The following ESYT2 variants were observed in gnomAD, a reference collection of about 807,000 sequenced individuals.
The protein encoded by ESYT2 is extended synaptotagmin 2.
A neutral mutation model predicts 107.2 loss-of-function variants in ESYT2; 54 were observed. The ratio of observed to expected loss-of-function variants is 0.50; its 90% CI spans 0.40 to 0.63. The LOEUF (loss-of-function observed/expected upper bound fraction) is 0.63, where lower values mean the gene tolerates loss of function less well. Among genes scored for constraint, ESYT2 ranks in the 30% least tolerant of loss-of-function variants. ESYT2 has a pLI of 0.00. For missense variants in ESYT2, 1,020 were observed against 1,094.5 expected, an observed-to-expected ratio of 0.93 and a Z score of 0.96; for synonymous variants, 491 against 434.1, an observed-to-expected ratio of 1.13 and a Z score of -1.63.
At chr7:158,748,427 C>A in intron 15 of ESYT2, 147 bp from the exon 16 acceptor site, 1 of 651,456 alleles carries the variant, frequency 1.5e-6, no homozygotes, top group East Asian at 2.8e-5. Context: ...AATTAAATTC[C>A]AAGACATGTA....
At position 158,732,906 on chromosome 7, in the gene ESYT2, A is replaced by T. The variant is rs1046318470; in HGVS notation, c.*1301T>A. On this transcript the variant is annotated 3_prime_UTR_variant, in exon 23 of 23. Transcript: ENST00000275418. ...ACATATGTGCATTCTTTCTTTACAG[A>T]CACACACAGCCTACGACACTGCAAC... 1 of 152,246 alleles carries T rather than the reference A, an allele frequency of 6.6e-6. No homozygotes were observed. Among genetic ancestry groups the T allele is most frequent in the African/African-American group, 2.4e-5 (1 of 41,462 alleles). The allele number at this position is 152,246 out of a possible 1,614,324, so 9.4% of individuals were successfully genotyped here. A position where few individuals can be genotyped will look rare whatever the true frequency, so the allele number is the denominator to read the frequency against.
At position 158,760,050 on chromosome 7, in the gene ESYT2, A is replaced by G. The variant is rs1457856761; in HGVS notation, c.1323+8T>C. On this transcript the variant is annotated splice_region_variant and intron_variant, in intron 12 of 22. Coordinates refer to ENST00000275418, the MANE Select transcript of ESYT2 (RefSeq NM_001367773.1). ...GGTAGTTTTCAAGAGCACATGCTTCAACAGCACCTTGTCGAGGTTTGACGC... is the reference window on the plus strand; with the variant it reads ...GGTAGTTTTCAAGAGCACATGCTTCGACAGCACCTTGTCGAGGTTTGACGC... The G allele has an allele frequency of 6.2e-7, 1 of 1,614,118 alleles. No homozygotes were observed. Among genetic ancestry groups the G allele is most frequent in the South Asian group, 1.1e-5 (1 of 91,082 alleles).
At chr7:158,797,338 G>C (rs760738496) in intron 3 of ESYT2, among the ~76,000 whole-genome samples, 2 of 151,960 alleles carry the variant, frequency 1.3e-5, no homozygotes, top group Middle Eastern at 6.8e-3. Context: ...TTGTAGAGAC[G>C]GAGTCCCACT....
chr7:158,751,569 C>T lies in ESYT2; in HGVS notation c.1482+1212G>A, dbSNP rs1009427035. Among the ~76,000 whole-genome samples the T allele has an allele frequency of 4.6e-5, 7 of 152,104 alleles. No individual in the cohort carries two copies. The East Asian group carries it at 1.3e-3, about 29-fold the overall frequency. ...TCAGTTTGCATGTTTACAAAATGGGCATTTTTGGAAACTAGGTGAGCTAAT... is the reference window on the plus strand; with the variant it reads ...TCAGTTTGCATGTTTACAAAATGGGTATTTTTGGAAACTAGGTGAGCTAAT... On this transcript the variant is annotated intron_variant, in intron 14 of 22. Transcript: ENST00000275418.
chr7:158,765,928 G>A (rs536718627), intron 8 of ESYT2, among the ~76,000 whole-genome samples: 1 of 152,116 alleles, frequency 6.6e-6, no homozygotes, highest in African/African-American at 2.4e-5. Flanking sequence ...GGCCAGGTGC[G>A]GTGACTCACG....
intron 6 of ESYT2, among the ~76,000 whole-genome samples, chr7:158,776,831 T>C (rs951426093): frequency 3.3e-5 from 5 of 152,046 alleles, no homozygotes; most frequent in Non-Finnish European, 7.4e-5. Flanking sequence ...GCTTCTTCAC[T>C]AAGCTTAATC....
In ESYT2 at chr7:158,737,151, A is replaced by G. The variant is rs761206385; in HGVS notation, c.2296T>C (p.Ser766Pro). The G allele has an allele frequency of 1.9e-6, 3 of 1,613,948 alleles. No individual in the cohort carries two copies. The highest frequency in any genetic ancestry group is 2.5e-6 in the Non-Finnish European group (3 of 1,179,846). Residue 766 changes from serine to proline, a missense_variant, in exon 20 of 23, where the codon TCT becomes CCT. Ser to Pro is a moderately conservative substitution (Grantham distance 74). Transcript: ENST00000275418. The part of the protein sequence containing the change: ...RNLIAFSEDG[S>P]DPYVRMYLLP... ...AAATACATGCGGACATAGGGGTCAG[A>G]GCCGTCTTCAGAGAAGGCAATGAGG...
At chr7:158,828,658 C>A (rs1294938592) in intron 1 of ESYT2, among the ~76,000 whole-genome samples, 2 of 152,150 alleles carry the variant, frequency 1.3e-5, no homozygotes, top group Admixed American at 1.3e-4. Flanking sequence ...CCGACTTGGA[C>A]GGAGGGAGGG....
At chr7:158,828,237 A>G (rs1339763730) in intron 1 of ESYT2, among the ~76,000 whole-genome samples, 1 of 152,234 alleles carries the variant, frequency 6.6e-6, no homozygotes, top group African/African-American at 2.4e-5. Flanking sequence ...CTCCCGGTAG[A>G]AGAAAAAGTT....
intron 1 of ESYT2, among the ~76,000 whole-genome samples, chr7:158,809,473 T>TAA: frequency 4.0e-4 from 2 of 4,946 alleles, no homozygotes; most frequent in Non-Finnish European, 9.6e-4. Context: ...AGAATCCATC[T>TAA]CAAAAAAAAA....
At chr7:158,738,456 A>ATT (rs1011762031) in intron 19 of ESYT2, among the ~76,000 whole-genome samples, 1 of 149,858 alleles carries the variant, frequency 6.7e-6, no homozygotes, top group Non-Finnish European at 1.5e-5. Flanking sequence ...ATATTTGTGT[A>ATT]TTTTTTTTTC....
intron 4 of ESYT2, 60 bp from the exon 5 acceptor site, chr7:158,788,477 T>C (rs1237175163): frequency 5.1e-6 from 7 of 1,365,902 alleles, no homozygotes; most frequent in Non-Finnish European, 6.1e-6. Flanking sequence ...TTAATCATTA[T>C]AGACCTGCAA....
At chr7:158,736,846 T>C (rs568317657) in intron 20 of ESYT2, among the ~76,000 whole-genome samples, 1 of 152,334 alleles carries the variant, frequency 6.6e-6, no homozygotes, top group African/African-American at 2.4e-5. Context: ...GGTTGTAACT[T>C]GAATTTACTG....
At position 158,749,668 on chromosome 7, in the gene ESYT2, T is replaced by C; in HGVS notation, c.1538A>G (p.His513Arg). The C allele has an allele frequency of 6.2e-7, 1 of 1,614,120 alleles. No homozygotes were observed. The highest frequency in any genetic ancestry group is 8.5e-7 in the Non-Finnish European group (1 of 1,180,008). ...CCTTACCTTGCTCTCCTGGGCCTTG[T>C]GCCCAACTGACATCTGGACAACAGG... is the stretch of plus-strand genomic sequence containing the variant. ...PNPVVQMSVGHKAQESKIRYK... is the reference protein window; with the variant it reads ...PNPVVQMSVGRKAQESKIRYK... Residue 513 changes from histidine to arginine, a missense_variant, in exon 15 of 23, where the codon CAC becomes CGC. His to Arg is a conservative substitution (Grantham distance 29). Coordinates refer to ENST00000275418, the MANE Select transcript of ESYT2 (RefSeq NM_001367773.1).
chr7:158,749,046 T>C (rs938909718), intron 15 of ESYT2, among the ~76,000 whole-genome samples: 1 of 152,186 alleles, frequency 6.6e-6, no homozygotes, highest in Non-Finnish European at 1.5e-5. Flanking sequence ...TTAGGAATTG[T>C]TCCCATGTGT....
At chr7:158,742,021 T>G in intron 17 of ESYT2, 125 bp from the exon 18 acceptor site, 2 of 1,196,254 alleles carry the variant, frequency 1.7e-6, no homozygotes, top group African/African-American at 1.6e-5. Flanking sequence ...AAAAATTTTT[T>G]TTTAAAGGAA....
chr7:158,761,378 C>T, intron 11 of ESYT2, 118 bp downstream of exon 11: 1 of 791,742 alleles, frequency 1.3e-6, no homozygotes, highest in African/African-American at 1.7e-5. Context: ...TTGTTCATGC[C>T]ATACTAATTA....
intron 6 of ESYT2, 56 bp downstream of exon 6, chr7:158,787,948 G>A (rs1839165081): frequency 7.3e-7 from 1 of 1,363,844 alleles, no homozygotes; most frequent in South Asian, 1.2e-5. Flanking sequence ...TTCTTCCACG[G>A]GTATGTATTT....
chr7:158,812,901 G>T (rs1840030964), intron 1 of ESYT2, among the ~76,000 whole-genome samples: 1 of 152,304 alleles, frequency 6.6e-6, no homozygotes, highest in Admixed American at 6.5e-5. Context: ...ATACAAAGCA[G>T]ATGTGGTTGC....
Sources: gnomAD v4.1 joint callset for allele counts (sites outside exome capture counted in the v4.1 genomes callset) on GRCh38, gnomAD v4.1.1 for gene constraint, MANE v1.5 for transcripts, NCBI Gene and HGNC (gene_info 2026-07-23, HGNC 2026-07-21) for gene names.